The following ZDHHC18 variants were observed in gnomAD, a reference collection of about 807,000 sequenced individuals.
ZDHHC18 encodes palmitoyltransferase ZDHHC18.
In ZDHHC18, 23 loss-of-function variants were observed where a neutral mutation model predicts 37.5. That is an observed-to-expected ratio of 0.61 (90% CI 0.44 to 0.87). ZDHHC18 has a LOEUF of 0.87. Ranked by LOEUF, ZDHHC18 falls within the 40% of genes least tolerant of loss-of-function variation. ZDHHC18 has a pLI of 0.00. For missense variants in ZDHHC18, 406 were observed against 525.6 expected, an observed-to-expected ratio of 0.77 and a Z score of 2.22; for synonymous variants, 185 against 218.7, an observed-to-expected ratio of 0.85 and a Z score of 1.36.
At chr1:26,846,247 TA>T (rs1570673132) in intron 2 of ZDHHC18, among the ~76,000 whole-genome samples, 2 of 55,396 alleles carry the variant, frequency 3.6e-5, no homozygotes, top group African/African-American at 7.4e-5. Context: ...GAGAGATATA[TA>T]GATATATATC....
intron 2 of ZDHHC18, among the ~76,000 whole-genome samples, chr1:26,833,567 C>A (rs1451777363): frequency 6.6e-6 from 1 of 152,238 alleles, no homozygotes; most frequent in East Asian, 1.9e-4. Flanking sequence ...GCTGGAAAGA[C>A]CCTGTGCTCC....
chr1:26,854,428 TG>T lies in ZDHHC18; in HGVS notation c.*587del, dbSNP rs2081722961. On this transcript the variant is annotated 3_prime_UTR_variant, in exon 8 of 8. Transcript: ENST00000374142. The surrounding 1 kb of genome is among the most constrained non-coding windows in gnomAD (Gnocchi z 4.6). ...GGGGCTCCAGTAGAGAAGGCAGGGT[TG>T]GTGGTGGGTGGGGGCAGCCTGTATC... 2 of 152,800 alleles carry T rather than the reference TG, an allele frequency of 1.3e-5. No homozygotes were observed. The highest frequency in any genetic ancestry group is 1.3e-4 in the Admixed American group (2 of 15,268). The allele number at this position is 152,800 out of a possible 1,614,324, so 9.5% of individuals were successfully genotyped here. A position where few individuals can be genotyped will look rare whatever the true frequency, so the allele number is the denominator to read the frequency against.
chr1:26,846,290 G>GTA (rs1557644428), intron 2 of ZDHHC18, among the ~76,000 whole-genome samples: 6,189 of 47,704 alleles, frequency 0.13, 680 homozygotes, highest in Non-Finnish European at 0.17. Context: ...GTGTGTGTGT[G>GTA]TATATATATA....
rs2081561504 is a variant in ZDHHC18 at position 26,827,148 on chromosome 1, C to T, written c.335+9C>T. 3 of 1,392,608 alleles carry T rather than the reference C, an allele frequency of 2.2e-6. No individual in the cohort carries two copies. Among genetic ancestry groups the T allele is most frequent in the East Asian group, 2.9e-5 (1 of 34,156 alleles). The allele number at this position is 1,392,608 out of a possible 1,614,324, so 86.3% of individuals were successfully genotyped here. A position where few individuals can be genotyped will look rare whatever the true frequency, so the allele number is the denominator to read the frequency against. On this transcript the variant is annotated intron_variant, in intron 1 of 7. Coordinates refer to ENST00000374142, the MANE Select transcript of ZDHHC18 (RefSeq NM_032283.3). ...CTCTTCTTCGTCTTTGAGTGAGTTC[C>T]GCTGCCTCGGCGCCCCCTCCCAGCC...
intron 1 of ZDHHC18, 80 bp downstream of exon 1, chr1:26,827,219 G>C (rs1449605809): frequency 8.5e-7 from 1 of 1,174,026 alleles, no homozygotes. Context: ...GGCACTCCGT[G>C]CCTTCCCCTT....
At chr1:26,845,624 C>A (rs370704679) in intron 2 of ZDHHC18, among the ~76,000 whole-genome samples, 50 of 151,930 alleles carry the variant, frequency 3.3e-4, no homozygotes, top group African/African-American at 1.2e-3. Context: ...TGAGCCACCG[C>A]GCCCGGCCTC....
At position 26,835,581 on chromosome 1, in the gene ZDHHC18, A is replaced by G. The variant is rs1309468629; in HGVS notation, c.496+2974A>G. ...CTGGGCATGGTGGCGTGTGCCTGTA[A>G]TCCCAGCTACTCAGGAGGCTGAGGC... On this transcript the variant is annotated intron_variant, in intron 2 of 7. Transcript: ENST00000374142. Among the ~76,000 whole-genome samples, 3 of 152,200 alleles carry G rather than the reference A, an allele frequency of 2.0e-5. No individual in the cohort carries two copies. In the East Asian group the frequency reaches 5.8e-4, roughly 29 times the overall value.
chr1:26,854,145 TGTGA>T lies in ZDHHC18; in HGVS notation c.*308_*311del. The T allele has an allele frequency of 2.9e-6, 1 of 349,054 alleles. No homozygotes were observed. The highest frequency in any genetic ancestry group is 3.6e-5 in the South Asian group (1 of 27,762). The allele number at this position is 349,054 out of a possible 1,614,324, so 21.6% of individuals were successfully genotyped here. A position where few individuals can be genotyped will look rare whatever the true frequency, so the allele number is the denominator to read the frequency against. ...CCTTGCCTGTGCCGGGCGAGCCCTG[TGTGA>T]GTGAGGCTGTGAACTGAGCGTGAGG... On this transcript the variant is annotated 3_prime_UTR_variant, in exon 8 of 8. Transcript: ENST00000374142. The surrounding 1 kb of genome is among the most constrained non-coding windows in gnomAD (Gnocchi z 4.6).
At chr1:26,832,994 G>A (rs2081595017) in intron 2 of ZDHHC18, among the ~76,000 whole-genome samples, 2 of 152,252 alleles carry the variant, frequency 1.3e-5, no homozygotes, top group Non-Finnish European at 2.9e-5. Flanking sequence ...AGATCACAAA[G>A]TAAGTAGAAG....
rs1046181265 is a variant in ZDHHC18, at chr1:26,853,976, C to T, written c.*133C>T. 10 of 847,224 alleles carry T rather than the reference C, an allele frequency of 1.2e-5. No individual in the cohort carries two copies. Among genetic ancestry groups the T allele is most frequent in the East Asian group, 7.5e-5 (3 of 39,934 alleles). The allele number at this position is 847,224 out of a possible 1,614,324, so 52.5% of individuals were successfully genotyped here. On this transcript the variant is annotated 3_prime_UTR_variant, in exon 8 of 8. Coordinates refer to ENST00000374142, the MANE Select transcript of ZDHHC18 (RefSeq NM_032283.3). Reference sequence around the variant, plus strand: ...CTTTTCATATTTATTTCCCATCCTGCGTGGCTTTCCCTGAACTGTTCCGTG... The same window carrying T: ...CTTTTCATATTTATTTCCCATCCTGTGTGGCTTTCCCTGAACTGTTCCGTG...
intron 1 of ZDHHC18, among the ~76,000 whole-genome samples, chr1:26,828,734 G>C (rs941465309): frequency 6.6e-6 from 1 of 150,930 alleles, no homozygotes; most frequent in Admixed American, 6.6e-5. Flanking sequence ...AAAAAGTTCA[G>C]GGATGATTTA....
In ZDHHC18 at chr1:26,826,873, C is replaced by G; in HGVS notation, c.69C>G (p.Arg23=). 1.0e-6 allele frequency: 1 copy of G among 980,268 alleles called. No individual in the cohort carries two copies. Among genetic ancestry groups the G allele is most frequent in the Non-Finnish European group, 1.2e-6 (1 of 827,820 alleles). The allele number at this position is 980,268 out of a possible 1,614,324, so 60.7% of individuals were successfully genotyped here. ...AAPLPASPGA[R]RPGPAASPTP... Reference sequence around the variant, plus strand: ...CGCTGCCCGCCTCCCCGGGGGCGCGCCGTCCCGGCCCCGCCGCGTCCCCGA... The same window carrying G: ...CGCTGCCCGCCTCCCCGGGGGCGCGGCGTCCCGGCCCCGCCGCGTCCCCGA... Residue 23 remains arginine (R), a synonymous_variant, in exon 1 of 8, where the codon CGC becomes CGG. Coordinates refer to ENST00000374142, the MANE Select transcript of ZDHHC18 (RefSeq NM_032283.3). The surrounding 1 kb of genome is among the most constrained non-coding windows in gnomAD (Gnocchi z 5.2).
At chr1:26,833,180 G>A (rs1225054983) in intron 2 of ZDHHC18, among the ~76,000 whole-genome samples, 1 of 152,170 alleles carries the variant, frequency 6.6e-6, no homozygotes, top group Admixed American at 6.5e-5. Flanking sequence ...TGACAGTTGA[G>A]GAGGAGGAAA....
intron 2 of ZDHHC18, among the ~76,000 whole-genome samples, chr1:26,836,803 T>G (rs1195421130): frequency 1.3e-5 from 2 of 149,662 alleles, no homozygotes; most frequent in Admixed American, 6.7e-5. Flanking sequence ...CTCCTGACCT[T>G]GTGATCCGCC....
chr1:26,832,930 A>C (rs570227832), intron 2 of ZDHHC18, among the ~76,000 whole-genome samples: 5 of 152,228 alleles, frequency 3.3e-5, no homozygotes, highest in Non-Finnish European at 5.9e-5. Flanking sequence ...TGAGGTAGGT[A>C]CTGTTGTCAT....
At chr1:26,845,225 C>T (rs1274255211) in intron 2 of ZDHHC18, among the ~76,000 whole-genome samples, 1 of 150,568 alleles carries the variant, frequency 6.6e-6, no homozygotes, top group Non-Finnish European at 1.5e-5. Context: ...GCGCCCAGCC[C>T]TTTACATATT....
At position 26,850,163 on chromosome 1, in the gene ZDHHC18, G is replaced by A. The variant is rs555763744; in HGVS notation, c.647-138G>A. On this transcript the variant is annotated intron_variant, in intron 3 of 7. Coordinates refer to ENST00000374142, the MANE Select transcript of ZDHHC18 (RefSeq NM_032283.3). This position sits in a 1 kb window ranked among gnomAD's most constrained non-coding sequence, Gnocchi z 6.1. The stretch of plus-strand genomic sequence containing the variant: ...GGTACACAAAGGACCAGAGGCAGGT[G>A]TGTCCAAGGCCTGGGAGCCAGCTGG... The A allele has an allele frequency of 1.9e-6, 2 of 1,029,566 alleles. No homozygotes were observed. Among genetic ancestry groups the A allele is most frequent in the Non-Finnish European group, 1.4e-6 (1 of 709,178 alleles). 63.8% of individuals were successfully genotyped at this position (1,029,566 alleles called of 1,614,324 possible).
At chr1:26,841,186 G>A (rs1308408467) in intron 2 of ZDHHC18, among the ~76,000 whole-genome samples, 1 of 152,084 alleles carries the variant, frequency 6.6e-6, no homozygotes, top group Admixed American at 6.6e-5. Context: ...CATGTTTAAG[G>A]CTGGTCTCGA....
At chr1:26,840,947 G>A (rs367754217) in intron 2 of ZDHHC18, among the ~76,000 whole-genome samples, 47 of 141,476 alleles carry the variant, frequency 3.3e-4, no homozygotes, top group African/African-American at 1.2e-3. Flanking sequence ...CGTGTAGCTA[G>A]AATTGCAGGT....
Sources: gnomAD v4.1 joint callset for allele counts (sites outside exome capture counted in the v4.1 genomes callset) on GRCh38, gnomAD v4.1.1 for gene constraint, Gnocchi (gnomAD v3.1) non-coding constraint, MANE v1.5 for transcripts, NCBI Gene and HGNC (gene_info 2026-07-23, HGNC 2026-07-21) for gene names.